Variants in TSC22D1 observed in about 807,000 individuals in gnomAD.
TSC22D1 encodes TSC22 domain family member 1, also known as TSC22 domain family protein 1.
TSC22D1 carries 9 observed loss-of-function variants against 74.2 expected under a neutral mutation model. That is an observed-to-expected ratio of 0.12 (90% confidence interval 0.07 to 0.21). The LOEUF is 0.21. Ranked by LOEUF, TSC22D1 falls within the 10% of genes least tolerant of loss-of-function variation. The pLI is 1.00. For missense variants in TSC22D1, 1,427 were observed against 1,304.7 expected, an observed-to-expected ratio of 1.09 and a Z score of -1.44; for synonymous variants, 586 against 492.5, an observed-to-expected ratio of 1.19 and a Z score of -2.51.
chr13:44,512,858 C>T (rs569048120), intron 1 of TSC22D1, among the ~76,000 whole-genome samples: 1 of 152,238 alleles, frequency 6.6e-6, no homozygotes, highest in African/African-American at 2.4e-5. Flanking sequence ...CCATGTTGGC[C>T]AGGATGGTCT....
chr13:44,553,493 T>C (rs918600502), intron 1 of TSC22D1, among the ~76,000 whole-genome samples: 2 of 152,226 alleles, frequency 1.3e-5, no homozygotes, highest in African/African-American at 4.8e-5. Flanking sequence ...CTTAATCCCA[T>C]TCATTCTAAG....
rs764865355 is a variant in TSC22D1 at position 44,575,646 on chromosome 13, T to C, written c.429A>G (p.Glu143=). 1.9e-6 allele frequency: 3 copies of C among 1,614,162 alleles called. No individual in the cohort carries two copies. Among genetic ancestry groups the C allele is most frequent in the Non-Finnish European group, 2.5e-6 (3 of 1,180,020 alleles). The change falls in exon 1 of 3, where the codon GAA becomes GAG. Residue 143 remains glutamate, a synonymous_variant. Coordinates refer to ENST00000458659, the MANE Select transcript of TSC22D1 (RefSeq NM_183422.4). ...AAGAAGAGAGATCTTCCGTGTGAGA[T>C]TCATCCAGATCATCATAGCTCTCAG... ...EDTESYDDLD[E]SHTEDLSSSE... is the part of the protein sequence containing the mutation.
chr13:44,564,550 T>C (rs911417465), intron 1 of TSC22D1, among the ~76,000 whole-genome samples: 2 of 152,004 alleles, frequency 1.3e-5, no homozygotes, highest in South Asian at 4.1e-4. Flanking sequence ...GAAGAATGGA[T>C]GAAAACTGAA....
chr13:44,543,868 G>A (rs923750716), intron 1 of TSC22D1, among the ~76,000 whole-genome samples: 2 of 152,170 alleles, frequency 1.3e-5, no homozygotes, highest in Admixed American at 6.5e-5. Context: ...GAGGTGGGCC[G>A]ATCACCTGGG....
intron 1 of TSC22D1, among the ~76,000 whole-genome samples, chr13:44,570,718 T>C (rs1883706164): frequency 6.6e-6 from 1 of 152,230 alleles, no homozygotes; most frequent in Admixed American, 6.5e-5. Context: ...ACACATTTCC[T>C]GATTCATAAT....
In TSC22D1 at chr13:44,540,249, A is replaced by G. The variant is rs117053127; in HGVS notation, c.2912+32914T>C. Among the ~76,000 whole-genome samples the G allele has an allele frequency of 1.1e-4, 17 of 152,288 alleles. No homozygotes were observed. The East Asian group carries it at 2.5e-3, about 22-fold the overall frequency. On this transcript the variant is annotated intron_variant, in intron 1 of 2. Coordinates refer to ENST00000458659, the MANE Select transcript of TSC22D1 (RefSeq NM_183422.4). ...TCATAGTTGTCTTTAAGGGACAGGG[A>G]AAAGGCACACAACCTCAGATATATC...
chr13:44,542,557 A>C (rs1483663975), intron 1 of TSC22D1, among the ~76,000 whole-genome samples: 1 of 152,122 alleles, frequency 6.6e-6, no homozygotes, highest in Non-Finnish European at 1.5e-5. Context: ...GAATCTTTAC[A>C]AACTTCCCCT....
rs1884134185 is a variant in TSC22D1, at chr13:44,575,278, C to T, written c.797G>A (p.Gly266Glu). 1 of 1,614,104 alleles carries T rather than the reference C, an allele frequency of 6.2e-7. No individual in the cohort carries two copies. The highest frequency in any genetic ancestry group is 8.5e-7 in the Non-Finnish European group (1 of 1,180,032). The change falls in exon 1 of 3, where the codon GGA (glycine) becomes GAA (glutamate). Residue 266 changes from glycine to glutamate, a missense_variant. Transcript: ENST00000458659. ...SPVSRKLSTT[G>E]SSDSITPVAP... is the part of the protein sequence containing the mutation. Reference sequence around the variant, plus strand: ...AACTGGTGTGATACTGTCAGAGCTTCCAGTTGTAGAGAGTTTTCTAGATAC... The same window carrying T: ...AACTGGTGTGATACTGTCAGAGCTTTCAGTTGTAGAGAGTTTTCTAGATAC...
upstream of TSC22D1, chr13:44,576,354 T>G (rs1595187552): frequency 2.5e-6 from 1 of 402,206 alleles, no homozygotes; most frequent in East Asian, 3.9e-5. Flanking sequence ...ACACCCCCCT[T>G]TATATTCTGC....
chr13:44,536,941 A>AC (rs1566159525), intron 1 of TSC22D1: 15 of 876,490 alleles, frequency 1.7e-5, no homozygotes, highest in Non-Finnish European at 2.0e-5. Context: ...AAAAAAAAAA[A>AC]AAAAAAAAAA....
intron 1 of TSC22D1, among the ~76,000 whole-genome samples, chr13:44,525,795 C>CAA (rs59399056): frequency 0.012 from 1,040 of 88,544 alleles, 4 homozygotes; most frequent in African/African-American, 0.02. Context: ...TAGCTTTTAA[C>CAA]AAAAAAAAAA....
intron 1 of TSC22D1, among the ~76,000 whole-genome samples, chr13:44,530,083 A>G (rs1880749629): frequency 6.6e-6 from 1 of 152,118 alleles, no homozygotes; most frequent in Non-Finnish European, 1.5e-5. Context: ...TCTATGTGGA[A>G]AAGCAAAAGG....
At chr13:44,508,158 T>TA (rs1317921033) in intron 1 of TSC22D1, among the ~76,000 whole-genome samples, 2 of 152,240 alleles carry the variant, frequency 1.3e-5, no homozygotes, top group Non-Finnish European at 2.9e-5. Flanking sequence ...GTACTATAAA[T>TA]GACCAGACTT....
At chr13:44,468,180 C>T (rs1322063585) in intron 1 of TSC22D1, among the ~76,000 whole-genome samples, 1 of 152,080 alleles carries the variant, frequency 6.6e-6, no homozygotes, top group Admixed American at 6.5e-5. Flanking sequence ...CATGGGTATG[C>T]AAAGGCATAC....
chr13:44,458,546 C>T (rs1876803570), intron 1 of TSC22D1, among the ~76,000 whole-genome samples: 1 of 152,116 alleles, frequency 6.6e-6, no homozygotes, highest in South Asian at 2.1e-4. Flanking sequence ...GCCCCACCCC[C>T]TACCAAGTTA....
chr13:44,464,957 C>T lies in TSC22D1; in HGVS notation c.2913-28862G>A, dbSNP rs570364635. Among the ~76,000 whole-genome samples the T allele has an allele frequency of 9.2e-5, 14 of 152,250 alleles. No homozygotes were observed. The East Asian group carries it at 2.3e-3, about 25-fold the overall frequency. On this transcript the variant is annotated intron_variant, in intron 1 of 2. Transcript: ENST00000458659. ...TCTTTGTGTATTTTTTAATACCTAC[C>T]ATTAGAGCTTGCTGTTTTACTAAAC...
chr13:44,553,261 G>A (rs942844471), intron 1 of TSC22D1, among the ~76,000 whole-genome samples: 2 of 151,820 alleles, frequency 1.3e-5, no homozygotes, highest in African/African-American at 2.4e-5. Flanking sequence ...AAAATGTATC[G>A]GTCTTCAATA....
At chr13:44,468,155 A>G (rs1444318877) in intron 1 of TSC22D1, among the ~76,000 whole-genome samples, 2 of 152,166 alleles carry the variant, frequency 1.3e-5, no homozygotes, top group African/African-American at 2.4e-5. Flanking sequence ...TCTCACCTAT[A>G]AACATGAGCT....
At chr13:44,528,759 TA>T (rs1211763529) in intron 1 of TSC22D1, among the ~76,000 whole-genome samples, 1 of 152,030 alleles carries the variant, frequency 6.6e-6, no homozygotes, top group Admixed American at 6.6e-5. Context: ...AGGGCCAGGC[TA>T]GCCAATAAAA....
Sources: allele counts gnomAD v4.1 joint callset (sites outside exome capture counted in the v4.1 genomes callset), GRCh38; gene constraint gnomAD v4.1.1; transcripts MANE v1.5; gene names NCBI Gene and HGNC (gene_info 2026-07-23, HGNC 2026-07-21).